STAG3: variants seen among roughly 807,000 people sequenced by gnomAD.
STAG3 encodes the protein cohesin subunit SA-3.
Under a neutral mutation model 160.7 loss-of-function variants are expected in STAG3, and 101 were observed. That is an observed-to-expected ratio of 0.63 (90% confidence interval 0.54 to 0.74). The LOEUF (loss-of-function observed/expected upper bound fraction) is 0.74. Ranked by LOEUF, STAG3 falls within the 30% of genes least tolerant of loss-of-function variation. The probability of loss-of-function intolerance (pLI) is 0.00; values close to 1 mark genes in which losing one functional copy is unlikely to be tolerated. For synonymous variants in STAG3, 519 were observed against 585.0 expected (o/e 0.89, Z 1.63); for missense variants, 1,188 against 1,517.4 (o/e 0.78, Z 3.61).
chr7:100,191,489 A>G, intron 8 of STAG3, among the ~76,000 whole-genome samples: 1 of 152,392 alleles, frequency 6.6e-6, no homozygotes. Flanking sequence ...AAAATTTTTA[A>G]TTCTCAGTGC....
downstream of STAG3, among the ~76,000 whole-genome samples, chr7:100,216,319 A>G (rs375696057): frequency 1.3e-5 from 2 of 151,370 alleles, no homozygotes; most frequent in Admixed American, 6.6e-5. Context: ...TGTAAGTTAT[A>G]TAAACATATA....
At chr7:100,194,604 A>G (rs1040877973) in intron 8 of STAG3, among the ~76,000 whole-genome samples, 5 of 152,066 alleles carry the variant, frequency 3.3e-5, no homozygotes, top group East Asian at 3.9e-4. Context: ...CTGGGCAAAC[A>G]TAGGGAGAGC....
At position 100,202,173 on chromosome 7, in the gene STAG3, C is replaced by T. The variant is rs1252687582; in HGVS notation, c.2396C>T (p.Ala799Val). ...SDVDTEIQEQ[A>V]FVLLSDLLLI... ...ACATCCTTTCTTTTCCCCCTACAGG[C>T]TTTTGTCTTATTAAGTGATCTACTT... The change falls in exon 24 of 34, where the codon GCT (alanine) becomes GTT (valine). Residue 799 changes from alanine (A) to valine (V), a missense_variant and splice_region_variant. Transcript: ENST00000615138. 6.2e-7 allele frequency: 1 copy of T among 1,612,460 alleles called. No homozygotes were observed.
chr7:100,215,013 C>G (rs2117618159), downstream of STAG3: 1 of 148,586 alleles, frequency 6.7e-6, no homozygotes, highest in East Asian at 1.9e-4. Flanking sequence ...TCTTGAAACT[C>G]AGACAGACTT....
At chr7:100,200,197 C>T in intron 16 of STAG3, 39 bp from the exon 17 acceptor site, 1 of 1,551,144 alleles carries the variant, frequency 6.4e-7, no homozygotes, top group East Asian at 2.3e-5. Flanking sequence ...ACCAGTGTTT[C>T]TTTACACCTC....
At chr7:100,202,144 T>G in intron 23 of STAG3, 28 bp from the exon 24 acceptor site, 1 of 1,609,476 alleles carries the variant, frequency 6.2e-7, no homozygotes, top group Non-Finnish European at 8.5e-7. Flanking sequence ...TTCTGTCCTT[T>G]TAAACATCCT....
At chr7:100,211,627 G>A in intron 31 of STAG3, 88 bp downstream of exon 31, 2 of 1,498,818 alleles carry the variant, frequency 1.3e-6, no homozygotes, top group Non-Finnish European at 1.8e-6. Flanking sequence ...CCTCTCTGTG[G>A]GTGCTTTTTG....
intron 25 of STAG3, among the ~76,000 whole-genome samples, chr7:100,203,185 C>CTT (rs34123265): frequency 1.4e-5 from 2 of 141,178 alleles, no homozygotes; most frequent in Non-Finnish European, 1.5e-5. Context: ...CTTTTCTTTT[C>CTT]TTTTTTTTTT....
rs773040515 is a variant in STAG3, at chr7:100,198,109, T to C, written c.1187T>C (p.Met396Thr). 6.8e-6 allele frequency: 11 copies of C among 1,613,890 alleles called. No individual in the cohort carries two copies. Among genetic ancestry groups the C allele is most frequent in the Middle Eastern group, 1.6e-4 (1 of 6,078 alleles). Reference protein sequence around the residue: ...RFKDRMVSMVMDREYDVAVEA... With the variant: ...RFKDRMVSMVTDREYDVAVEA... ...CAGGACCGGATGGTTTCCATGGTCATGGACAGAGAGTATGATGTGGCAGTG... is the reference window on the plus strand; with the variant it reads ...CAGGACCGGATGGTTTCCATGGTCACGGACAGAGAGTATGATGTGGCAGTG... The change falls in exon 12 of 34, where the codon ATG becomes ACG. Residue 396 changes from methionine (M) to threonine (T), a missense_variant. Physicochemically the swap from Met to Thr is moderately conservative, Grantham distance 81 (BLOSUM62 -1). Coordinates refer to ENST00000615138, the MANE Select transcript of STAG3 (RefSeq NM_001282717.2).
downstream of STAG3, among the ~76,000 whole-genome samples, chr7:100,215,560 GTC>G (rs1563018366): frequency 6.6e-6 from 1 of 152,146 alleles, no homozygotes; most frequent in Non-Finnish European, 1.5e-5. Context: ...AGATGTGGAG[GTC>G]TCTCAAAATC....
intron 10 of STAG3, 145 bp downstream of exon 10, chr7:100,197,424 C>A: frequency 1.7e-6 from 2 of 1,156,594 alleles, no homozygotes; most frequent in South Asian, 1.2e-5. Context: ...TGAAATTCCC[C>A]TAGCACTGGG....
Position 100,198,912 on chromosome 7 carries a change from G to A in STAG3, c.1422G>A (p.Gln474=), listed in dbSNP as rs747948983. The change falls in exon 14 of 34, where the codon CAG becomes CAA. Residue 474 remains glutamine, a synonymous_variant. Coordinates refer to ENST00000615138, the MANE Select transcript of STAG3 (RefSeq NM_001282717.2). ...AGCAACGCCAGAGCCCAGGCGCCCA[G>A]AGGACTTTCTTCCAGCTTCTGCTGT... The part of the protein sequence containing the change: ...GREQRQSPGA[Q]RTFFQLLLSF... The A allele has an allele frequency of 5.6e-6, 9 of 1,612,268 alleles. No individual in the cohort carries two copies. The South Asian group carries it at 9.9e-5, about 18-fold the overall frequency.
downstream of STAG3, among the ~76,000 whole-genome samples, chr7:100,216,689 T>G (rs1802779398): frequency 6.6e-6 from 1 of 151,728 alleles, no homozygotes; most frequent in South Asian, 2.1e-4. Context: ...TAGTCCCAGC[T>G]ACTCGGGAGG....
At position 100,202,279 on chromosome 7, in the gene STAG3, G is replaced by A. The variant is rs147305622; in HGVS notation, c.2502G>A (p.Gln834=). ...TCTTTTTTCCTGAAGCTACTCTCCAGTCTGAGCTAGCCAGCTTCCTCATGG... is the reference window on the plus strand; with the variant it reads ...TCTTTTTTCCTGAAGCTACTCTCCAATCTGAGCTAGCCAGCTTCCTCATGG... ...PLVFFPEATL[Q]SELASFLMDH... The change falls in exon 24 of 34, where the codon CAG becomes CAA. Residue 834 remains glutamine (Q), a synonymous_variant. Transcript: ENST00000615138. 1.2e-6 allele frequency: 2 copies of A among 1,614,152 alleles called. No homozygotes were observed. Among genetic ancestry groups the A allele is most frequent in the Non-Finnish European group, 1.7e-6 (2 of 1,180,024 alleles).
rs1801072069 is a variant in STAG3, at chr7:100,200,918, A to G, written c.2010A>G (p.Leu670=). The G allele has an allele frequency of 6.2e-7, 1 of 1,614,198 alleles. No homozygotes were observed. The highest frequency in any genetic ancestry group is 1.7e-5 in the Admixed American group (1 of 60,020). The change falls in exon 19 of 34, where the codon CTA becomes CTG. Residue 670 remains leucine, a synonymous_variant. Coordinates refer to ENST00000615138, the MANE Select transcript of STAG3 (RefSeq NM_001282717.2). Reference sequence around the variant, plus strand: ...GGGCGGACTTTGCCCGCAGCCAGCTAGTAGATTTGCTGACTGACCGCTTCC... The same window carrying G: ...GGGCGGACTTTGCCCGCAGCCAGCTGGTAGATTTGCTGACTGACCGCTTCC... ...FSRADFARSQ[L]VDLLTDRFQQ...
At chr7:100,209,294 A>C (rs576482602) in intron 29 of STAG3, among the ~76,000 whole-genome samples, 2 of 152,172 alleles carry the variant, frequency 1.3e-5, no homozygotes, top group African/African-American at 4.8e-5. Context: ...CGAATTTTTT[A>C]TAACAGGTGA....
chr7:100,214,385 G>A (rs12056000), downstream of STAG3: 53,670 of 285,022 alleles, frequency 0.19, 5,811 homozygotes, highest in Middle Eastern at 0.34. Flanking sequence ...GAATCCACAC[G>A]TTCCCAAGGT....
Position 100,214,002 on chromosome 7 carries a change from T to C in STAG3, c.3673-5T>C, listed in dbSNP as rs1563015260. 6.2e-7 allele frequency: 1 copy of C among 1,614,104 alleles called. No individual in the cohort carries two copies. On this transcript the variant is annotated splice_region_variant and splice_polypyrimidine_tract_variant and intron_variant, in intron 33 of 33. Transcript: ENST00000615138. ...TGTGTATTCCTTTCATCTTTCTCATTATAGGATTTCTGACAGGACTCTGGG... is the reference window on the plus strand; with the variant it reads ...TGTGTATTCCTTTCATCTTTCTCATCATAGGATTTCTGACAGGACTCTGGG...
chr7:100,180,697 C>A, intron 2 of STAG3, 25 bp downstream of exon 2: 2 of 1,378,788 alleles, frequency 1.5e-6, no homozygotes, highest in South Asian at 1.2e-5. Context: ...CATTGTGTGG[C>A]CACTTCCTGT....
Sources: allele counts gnomAD v4.1 joint callset (sites outside exome capture counted in the v4.1 genomes callset), GRCh38; gene constraint gnomAD v4.1.1; transcripts MANE v1.5; gene names NCBI Gene and HGNC (gene_info 2026-07-23, HGNC 2026-07-21).